The following RBBP8 variants were observed in gnomAD, a reference collection of about 807,000 sequenced individuals.
RBBP8 encodes the protein DNA endonuclease RBBP8.
In RBBP8, 88 loss-of-function variants were observed where a neutral mutation model predicts 108.3. The ratio of observed to expected loss-of-function variants is 0.81; its 90% confidence interval spans 0.68 to 0.97. The LOEUF is 0.97. RBBP8 is among the 50% of genes least tolerant of loss of function. The pLI is 0.00. For synonymous variants in RBBP8, 332 were observed against 348.2 expected, an observed-to-expected ratio of 0.95 and a Z score of 0.52; for missense variants, 1,023 against 1,049.0, an observed-to-expected ratio of 0.98 and a Z score of 0.34.
chr18:22,982,440 G>A, intron 7 of RBBP8, 47 bp downstream of exon 7: 1 of 1,609,976 alleles, frequency 6.2e-7, no homozygotes, highest in Non-Finnish European at 8.5e-7. Context: ...GTAAACCAGT[G>A]TTCATCTACT....
intron 7 of RBBP8, among the ~76,000 whole-genome samples, chr18:22,983,715 G>C (rs1188578163): frequency 2.0e-5 from 3 of 152,218 alleles, no homozygotes; most frequent in African/African-American, 7.2e-5. Flanking sequence ...ACCTTGTTCT[G>C]ATCATTTTTT....
At chr18:22,959,177 A>G (rs1912851244) in intron 4 of RBBP8, among the ~76,000 whole-genome samples, 1 of 152,196 alleles carries the variant, frequency 6.6e-6, no homozygotes, top group Non-Finnish European at 1.5e-5. Context: ...TAAATTTTCA[A>G]AGGGTCCTTG....
intron 2 of RBBP8, among the ~76,000 whole-genome samples, chr18:22,944,516 G>A (rs1911383407): frequency 6.6e-6 from 1 of 152,186 alleles, no homozygotes; most frequent in Admixed American, 6.5e-5. Context: ...GTGCATGGAT[G>A]CACCACAGGT....
intron 2 of RBBP8, 193 bp from the exon 3 acceptor site, chr18:22,946,251 T>C: frequency 1.6e-6 from 1 of 619,836 alleles, no homozygotes; most frequent in Admixed American, 3.2e-5. Context: ...CATTTGACTG[T>C]CATATGATAG....
chr18:22,919,409 C>T (rs959524060), intron 3 of RBBP8, among the ~76,000 whole-genome samples: 4 of 152,148 alleles, frequency 2.6e-5, no homozygotes, highest in African/African-American at 7.2e-5. Context: ...AATCGCTTTA[C>T]AAAAAGCTTT....
At chr18:23,025,494 G>A (rs955164104) in intron 18 of RBBP8, among the ~76,000 whole-genome samples, 3 of 152,210 alleles carry the variant, frequency 2.0e-5, no homozygotes, top group East Asian at 3.9e-4. Context: ...TCACTGCCTG[G>A]TCACCAGATA....
intron 4 of RBBP8, among the ~76,000 whole-genome samples, chr18:22,955,991 G>A: frequency 6.6e-6 from 1 of 152,042 alleles, no homozygotes; most frequent in East Asian, 1.9e-4. Context: ...CATCTTAAAT[G>A]ATCATCTCAA....
intron 5 of RBBP8, among the ~76,000 whole-genome samples, chr18:22,970,751 A>C (rs1914015068): frequency 6.6e-6 from 1 of 152,172 alleles, no homozygotes; most frequent in Non-Finnish European, 1.5e-5. Flanking sequence ...TTAGTGAATA[A>C]CTAAGAGTTA....
chr18:22,951,474 A>T (rs374424713), intron 4 of RBBP8, among the ~76,000 whole-genome samples: 2 of 152,066 alleles, frequency 1.3e-5, no homozygotes, highest in African/African-American at 4.8e-5. Flanking sequence ...TAGAAAAAAA[A>T]ACCAAACGCA....
At chr18:22,936,062 G>A (rs2144391901) in intron 1 of RBBP8, among the ~76,000 whole-genome samples, 1 of 152,120 alleles carries the variant, frequency 6.6e-6, no homozygotes, top group Admixed American at 6.6e-5. Context: ...ATATTTTTCA[G>A]TTTTGGGCTC....
intron 14 of RBBP8, among the ~76,000 whole-genome samples, chr18:22,999,952 G>C (rs1359747946): frequency 2.6e-5 from 4 of 152,180 alleles, no homozygotes; most frequent in African/African-American, 9.6e-5. Context: ...GTGCATAGAA[G>C]TTGTATTTTA....
Position 22,991,007 on chromosome 18 carries a change from AG to A in RBBP8, c.879del (p.Gln293HisfsTer14). On this transcript the variant is annotated frameshift_variant, in exon 10 of 19. Transcript: ENST00000327155. LOFTEE classifies it high-confidence loss of function. ...YHCLEGNHKK[Q>X]PFEESTRNTE... ...TGTCTGGAAGGAAATCACAAGAAAC[AG>A]CCTTTTGAGGAATCTACAAGAAATA... is the stretch of plus-strand genomic sequence containing the variant. 1 of 1,613,736 alleles carries A rather than the reference AG, an allele frequency of 6.2e-7. No individual in the cohort carries two copies. Among genetic ancestry groups the A allele is most frequent in the South Asian group, 1.1e-5 (1 of 91,072 alleles).
chr18:22,968,570 C>T (rs1913818953), intron 4 of RBBP8, among the ~76,000 whole-genome samples: 1 of 152,096 alleles, frequency 6.6e-6, no homozygotes, highest in Non-Finnish European at 1.5e-5. Flanking sequence ...TAAATAAGTT[C>T]CCTTAGCATG....
intron 5 of RBBP8, among the ~76,000 whole-genome samples, chr18:22,974,341 A>G (rs1362435626): frequency 6.6e-6 from 1 of 152,226 alleles, no homozygotes; most frequent in Non-Finnish European, 1.5e-5. Flanking sequence ...TTCAATGGAT[A>G]TATTTAAGTT....
chr18:22,930,452 A>G (rs1029325794), upstream of RBBP8, among the ~76,000 whole-genome samples: 5 of 152,250 alleles, frequency 3.3e-5, no homozygotes, highest in Non-Finnish European at 7.3e-5. Context: ...GAAACCCAGT[A>G]TTATGAAGAG....
intron 1 of RBBP8, among the ~76,000 whole-genome samples, chr18:22,936,410 A>G (rs1160022719): frequency 1.3e-5 from 2 of 152,220 alleles, no homozygotes; most frequent in African/African-American, 4.8e-5. Flanking sequence ...CCAAAACAAT[A>G]CATTAGTCTA....
intron 4 of RBBP8, among the ~76,000 whole-genome samples, chr18:22,962,387 A>G (rs1913178693): frequency 6.6e-6 from 1 of 151,772 alleles, no homozygotes; most frequent in South Asian, 2.1e-4. Context: ...GTATTCTTAA[A>G]ACTCACTCCC....
At chr18:22,932,141 G>A (rs1334644415), upstream of RBBP8, among the ~76,000 whole-genome samples, 3 of 152,178 alleles carry the variant, frequency 2.0e-5, no homozygotes, top group South Asian at 2.1e-4. Context: ...AAATGGATTA[G>A]AGAGTGAGAC....
intron 4 of RBBP8, among the ~76,000 whole-genome samples, chr18:22,964,506 A>G (rs1598673156): frequency 6.6e-6 from 1 of 151,026 alleles, no homozygotes; most frequent in East Asian, 1.9e-4. Flanking sequence ...TCTTTATATG[A>G]TAGACCTTCT....
Sources: gnomAD v4.1 joint callset for allele counts (sites outside exome capture counted in the v4.1 genomes callset) on GRCh38, gnomAD v4.1.1 for gene constraint, MANE v1.5 for transcripts, NCBI Gene and HGNC (gene_info 2026-07-23, HGNC 2026-07-21) for gene names.